The following TNR variants were observed in gnomAD, a reference collection of about 807,000 sequenced individuals.
The protein encoded by TNR is tenascin R.
A neutral mutation model predicts 150.4 loss-of-function variants in TNR; 45 were observed. That is an observed-to-expected ratio of 0.30 (90% CI 0.24 to 0.38). The LOEUF (loss-of-function observed/expected upper bound fraction) is 0.38. Among genes scored for constraint, TNR ranks in the 10% least tolerant of loss-of-function variants. The probability of loss-of-function intolerance (pLI) is 1.00; values close to 1 mark genes in which losing one functional copy is unlikely to be tolerated. For synonymous variants in TNR, 687 were observed against 678.4 expected (o/e 1.01, Z -0.20); for missense variants, 1,544 against 1,759.1 (o/e 0.88, Z 2.19).
At chr1:175,595,281 G>A (rs1395520838) in intron 1 of TNR, among the ~76,000 whole-genome samples, 2 of 152,214 alleles carry the variant, frequency 1.3e-5, no homozygotes, top group Non-Finnish European at 2.9e-5. Context: ...CACAGCCTCA[G>A]AAAATTAAAG....
At chr1:175,382,912 A>G (rs1162259743) in intron 8 of TNR, among the ~76,000 whole-genome samples, 1 of 152,014 alleles carries the variant, frequency 6.6e-6, no homozygotes. Context: ...AAAAAAAAAA[A>G]AAAGAAAAAT....
At chr1:175,517,615 T>A (rs917107282) in intron 2 of TNR, among the ~76,000 whole-genome samples, 2 of 152,338 alleles carry the variant, frequency 1.3e-5, no homozygotes, top group Middle Eastern at 3.4e-3. Flanking sequence ...GGACTCGCCA[T>A]GAGGTGAGAC....
chr1:175,347,183 T>G (rs1650835594), intron 18 of TNR, among the ~76,000 whole-genome samples: 1 of 152,126 alleles, frequency 6.6e-6, no homozygotes, highest in Admixed American at 6.5e-5. Context: ...ACTCACCTCA[T>G]TAGTATACTA....
chr1:175,728,727 A>AT (rs1667546144), intron 1 of TNR, among the ~76,000 whole-genome samples: 2 of 152,218 alleles, frequency 1.3e-5, no homozygotes, highest in Non-Finnish European at 2.9e-5. Context: ...TTAATAGGCT[A>AT]TAGGGCATGG....
chr1:175,438,720 C>G (rs1245539422), intron 2 of TNR, among the ~76,000 whole-genome samples: 1 of 152,188 alleles, frequency 6.6e-6, no homozygotes, highest in Admixed American at 6.5e-5. Flanking sequence ...CACAAGCATT[C>G]TTATAAACCA....
At chr1:175,618,565 T>A (rs1302887245) in intron 1 of TNR, among the ~76,000 whole-genome samples, 3 of 152,176 alleles carry the variant, frequency 2.0e-5, no homozygotes, top group Admixed American at 2.0e-4. Context: ...CTGGCTAAGA[T>A]GAAACCATTT....
chr1:175,465,739 AG>A (rs1410330414), intron 2 of TNR, among the ~76,000 whole-genome samples: 1 of 144,738 alleles, frequency 6.9e-6, no homozygotes, highest in African/African-American at 2.6e-5. Context: ...TCATGGTTCC[AG>A]GCTAACCTCT....
chr1:175,615,459 G>A (rs1663740593), intron 1 of TNR, among the ~76,000 whole-genome samples: 1 of 152,202 alleles, frequency 6.6e-6, no homozygotes. Flanking sequence ...TGATGTTGAG[G>A]ACTCCACGTC....
At chr1:175,565,780 A>G (rs558141322) in intron 1 of TNR, among the ~76,000 whole-genome samples, 1 of 152,358 alleles carries the variant, frequency 6.6e-6, no homozygotes, top group South Asian at 2.1e-4. Flanking sequence ...TATGTGTCCA[A>G]TAATGATTCT....
chr1:175,342,557 G>A (rs926718885), intron 18 of TNR, among the ~76,000 whole-genome samples: 5 of 152,222 alleles, frequency 3.3e-5, no homozygotes, highest in African/African-American at 1.2e-4. Context: ...TTGTTAGAAA[G>A]ACCATTCTCA....
Position 175,317,733 on chromosome 1 carries a change from A to G in TNR, c.*5624T>C, listed in dbSNP as rs1203182291. On this transcript the variant is annotated 3_prime_UTR_variant, in exon 23 of 23. Coordinates refer to ENST00000367674, the MANE Select transcript of TNR (RefSeq NM_003285.3). ...AGGATAATAGAGTTAAATGTTTTTGAACTGGAACTTTAGCATTAGCCTGGC... is the reference window on the plus strand; with the variant it reads ...AGGATAATAGAGTTAAATGTTTTTGGACTGGAACTTTAGCATTAGCCTGGC... 1.3e-5 allele frequency: 2 copies of G among 152,220 alleles called. No individual in the cohort carries two copies. Among genetic ancestry groups the G allele is most frequent in the African/African-American group, 4.8e-5 (2 of 41,452 alleles). The allele number at this position is 152,220 out of a possible 1,614,324, so 9.4% of individuals were successfully genotyped here. A position where few individuals can be genotyped will look rare whatever the true frequency, so the allele number is the denominator to read the frequency against.
intron 10 of TNR, 27 bp downstream of exon 10, chr1:175,367,178 GTCT>G (rs1212706213): frequency 2.1e-5 from 34 of 1,607,276 alleles, no homozygotes; most frequent in Non-Finnish European, 2.7e-5. Context: ...GGCTAACCTG[GTCT>G]TCTTCCTCAG....
intron 1 of TNR, among the ~76,000 whole-genome samples, chr1:175,635,676 G>A (rs536031132): frequency 1.3e-5 from 2 of 151,976 alleles, no homozygotes; most frequent in Admixed American, 1.3e-4. Context: ...GGAGTCCTCA[G>A]CAATCATCCC....
intron 1 of TNR, among the ~76,000 whole-genome samples, chr1:175,630,149 G>C (rs902807983): frequency 2.0e-5 from 3 of 152,124 alleles, no homozygotes; most frequent in African/African-American, 7.2e-5. Flanking sequence ...GACTCCAGGG[G>C]CTCCATGCTG....
At chr1:175,722,004 C>T (rs921229272) in intron 1 of TNR, among the ~76,000 whole-genome samples, 3 of 152,096 alleles carry the variant, frequency 2.0e-5, no homozygotes, top group Non-Finnish European at 4.4e-5. Context: ...GATGTAGGGA[C>T]ACTCCCTCAG....
Position 175,379,606 on chromosome 1 carries a change from G to A in TNR, c.1909C>T (p.His637Tyr), listed in dbSNP as rs994865157. 6.2e-7 allele frequency: 1 copy of A among 1,614,004 alleles called. No individual in the cohort carries two copies. Among genetic ancestry groups the A allele is most frequent in the African/African-American group, 1.3e-5 (1 of 74,916 alleles). Residue 637 changes from histidine to tyrosine, a missense_variant, in exon 9 of 23, where the codon CAT (histidine) becomes TAT (tyrosine). Physicochemically the swap from His to Tyr is moderately conservative, Grantham distance 83. Transcript: ENST00000367674. ...ATGCCCCTGGGGACCAGTACCTCAT[G>A]ATATTGCTCACCCGCCAGGGTGCTG... Reference protein sequence around the residue: ...VYSTLAGEQYHEVLVPRGIGP... With the variant: ...VYSTLAGEQYYEVLVPRGIGP...
chr1:175,452,473 C>T (rs757453667), intron 2 of TNR, among the ~76,000 whole-genome samples: 1 of 152,216 alleles, frequency 6.6e-6, no homozygotes, highest in Admixed American at 6.5e-5. Context: ...GGAGGGATTT[C>T]AGCAGAGACC....
At chr1:175,546,559 C>T (rs537365568) in intron 1 of TNR, among the ~76,000 whole-genome samples, 34 of 152,280 alleles carry the variant, frequency 2.2e-4, no homozygotes, top group African/African-American at 7.0e-4. Context: ...TGCTTTTCAG[C>T]GCTCAAAGCT....
intron 1 of TNR, among the ~76,000 whole-genome samples, chr1:175,681,199 G>A (rs892021243): frequency 6.6e-6 from 1 of 152,192 alleles, no homozygotes; most frequent in Non-Finnish European, 1.5e-5. Flanking sequence ...GCTTTTCATT[G>A]TGAGTGATGG....
Sources: gnomAD v4.1 joint callset for allele counts (sites outside exome capture counted in the v4.1 genomes callset) on GRCh38, gnomAD v4.1.1 for gene constraint, MANE v1.5 for transcripts, NCBI Gene and HGNC (gene_info 2026-07-23, HGNC 2026-07-21) for gene names.